UNC13C: variants seen among roughly 807,000 people sequenced by gnomAD.
UNC13C encodes the protein protein unc-13 homolog C.
In UNC13C, 174 loss-of-function variants were observed where a neutral mutation model predicts 245.4. The observed-to-expected ratio is 0.71, with a 90% CI of 0.63 to 0.80. UNC13C has a LOEUF of 0.80. UNC13C is among the 30% of genes least tolerant of loss of function. The pLI is 0.00. For synonymous variants in UNC13C, 992 were observed against 895.1 expected (o/e 1.11, Z -1.93); for missense variants, 2,829 against 2,602.9 (o/e 1.09, Z -1.89).
chr15:54,430,653 T>C (rs1289794586), intron 19 of UNC13C, among the ~76,000 whole-genome samples: 1 of 151,710 alleles, frequency 6.6e-6, no homozygotes, highest in Non-Finnish European at 1.5e-5. Flanking sequence ...AAAGGAGTTA[T>C]CTTAAGTCTT....
intron 1 of UNC13C, among the ~76,000 whole-genome samples, chr15:54,010,716 A>G (rs2043497030): frequency 6.6e-6 from 1 of 152,202 alleles, no homozygotes; most frequent in Non-Finnish European, 1.5e-5. Context: ...TCAAATTATC[A>G]TTAGGAAGAC....
intron 4 of UNC13C, among the ~76,000 whole-genome samples, chr15:54,152,585 C>A (rs1426795144): frequency 6.6e-6 from 1 of 152,082 alleles, no homozygotes. Flanking sequence ...AAATTAAAAC[C>A]ACTGATACAT....
intron 32 of UNC13C, among the ~76,000 whole-genome samples, chr15:54,625,949 C>G (rs961596473): frequency 6.6e-6 from 1 of 152,110 alleles, no homozygotes; most frequent in Non-Finnish European, 1.5e-5. Context: ...CATTTTCTTT[C>G]ACATTATTTC....
intron 17 of UNC13C, among the ~76,000 whole-genome samples, chr15:54,355,497 C>T (rs2039074349): frequency 6.6e-6 from 1 of 152,016 alleles, no homozygotes; most frequent in Non-Finnish European, 1.5e-5. Context: ...GCTGGGGCTA[C>T]AGGCACGCAC....
chr15:54,330,343 G>A (rs1197060500), intron 14 of UNC13C, among the ~76,000 whole-genome samples: 1 of 152,076 alleles, frequency 6.6e-6, no homozygotes, highest in Non-Finnish European at 1.5e-5. Context: ...ACCATGGCAT[G>A]TGGTCATCCT....
At chr15:54,417,379 T>C (rs2040544572) in intron 19 of UNC13C, among the ~76,000 whole-genome samples, 1 of 152,164 alleles carries the variant, frequency 6.6e-6, no homozygotes, top group African/African-American at 2.4e-5. Flanking sequence ...TTCTCCCCTT[T>C]TGTTTGAGTA....
intron 19 of UNC13C, among the ~76,000 whole-genome samples, chr15:54,476,694 C>T (rs1438497375): frequency 3.3e-5 from 5 of 151,284 alleles, no homozygotes; most frequent in African/African-American, 9.7e-5. Context: ...CAGTACCATG[C>T]TCTTTTGGTT....
At chr15:54,136,373 T>C (rs1343775002) in intron 2 of UNC13C, among the ~76,000 whole-genome samples, 1 of 152,098 alleles carries the variant, frequency 6.6e-6, no homozygotes, top group Admixed American at 6.5e-5. Flanking sequence ...TTTTTTCAGA[T>C]AGTTTGTTAT....
chr15:54,622,908 C>CTATTTTTATATT (rs1284827390), intron 31 of UNC13C, among the ~76,000 whole-genome samples: 41 of 152,186 alleles, frequency 2.7e-4, no homozygotes, highest in African/African-American at 9.9e-4. Flanking sequence ...TACGCTCGTT[C>CTATTTTTATATT]TATTTTTATA....
chr15:54,629,630 C>T (rs1901404781), downstream of UNC13C: 1 of 152,118 alleles, frequency 6.6e-6, no homozygotes, highest in Non-Finnish European at 1.5e-5. Context: ...TAAAAGTTTT[C>T]ATCAATTACT....
chr15:54,276,748 A>C (rs2036843725), intron 10 of UNC13C, among the ~76,000 whole-genome samples: 1 of 152,108 alleles, frequency 6.6e-6, no homozygotes, highest in Non-Finnish European at 1.5e-5. Context: ...AGGCATATCT[A>C]CTACTTGCCT....
At chr15:54,126,907 A>T (rs1396079783) in intron 2 of UNC13C, among the ~76,000 whole-genome samples, 2 of 152,230 alleles carry the variant, frequency 1.3e-5, no homozygotes, top group Admixed American at 6.5e-5. Context: ...ATATGAACAG[A>T]CACTTCTCAA....
At position 54,378,100 on chromosome 15, in the gene UNC13C, G is replaced by A. The variant is rs114795212; in HGVS notation, c.4714-14948G>A. ...AAGTTTATAACATTTGGAGACATCA[G>A]ATACTAGAACATTTTTATTATGTTA... On this transcript the variant is annotated intron_variant, in intron 17 of 32. Coordinates refer to ENST00000260323, the MANE Select transcript of UNC13C (RefSeq NM_001080534.3). Among the ~76,000 whole-genome samples the A allele has an allele frequency of 6.8e-3, 1,031 of 152,168 alleles. 15 individuals carry two copies. The highest frequency in any genetic ancestry group is 0.023 in the African/African-American group (975 of 41,516).
At chr15:54,211,820 C>A (rs1168308636) in intron 4 of UNC13C, among the ~76,000 whole-genome samples, 1 of 152,114 alleles carries the variant, frequency 6.6e-6, no homozygotes, top group Non-Finnish European at 1.5e-5. Context: ...CAACTCTCAA[C>A]CCTGTGAGCA....
intron 13 of UNC13C, among the ~76,000 whole-genome samples, chr15:54,317,680 G>A (rs1408061288): frequency 1.3e-5 from 2 of 151,794 alleles, no homozygotes; most frequent in East Asian, 3.9e-4. Context: ...ATACTCTGTG[G>A]TATGATTAAA....
chr15:54,601,402 G>C (rs1163754150), intron 30 of UNC13C, among the ~76,000 whole-genome samples: 1 of 152,170 alleles, frequency 6.6e-6, no homozygotes, highest in East Asian at 1.9e-4. Context: ...GTTTAGAGGA[G>C]AAGGAGAGCA....
At chr15:54,487,164 C>T (rs1369149313) in intron 19 of UNC13C, among the ~76,000 whole-genome samples, 1 of 151,956 alleles carries the variant, frequency 6.6e-6, no homozygotes, top group East Asian at 1.9e-4. Context: ...TGTCCAACCT[C>T]ACATCATTCC....
chr15:54,220,319 C>T (rs1232188336), intron 4 of UNC13C, among the ~76,000 whole-genome samples: 1 of 149,594 alleles, frequency 6.7e-6, no homozygotes, highest in African/African-American at 2.5e-5. Flanking sequence ...AATTGGAAAT[C>T]ATCATTCTCA....
chr15:54,373,323 G>A (rs781241799), intron 17 of UNC13C, among the ~76,000 whole-genome samples: 11 of 152,138 alleles, frequency 7.2e-5, no homozygotes, highest in Non-Finnish European at 1.0e-4. Flanking sequence ...AGTTTTGCTC[G>A]AGCCCACTGG....
Sources: gnomAD v4.1 joint callset for allele counts (sites outside exome capture counted in the v4.1 genomes callset) on GRCh38, gnomAD v4.1.1 for gene constraint, MANE v1.5 for transcripts, NCBI Gene and HGNC (gene_info 2026-07-23, HGNC 2026-07-21) for gene names.